TMEM117: variants seen among roughly 807,000 people sequenced by gnomAD.
The protein encoded by TMEM117 is transmembrane protein 117.
TMEM117 carries 27 observed loss-of-function variants against 52.4 expected under a neutral mutation model. That is an observed-to-expected ratio of 0.51 (90% CI 0.38 to 0.71). The LOEUF (loss-of-function observed/expected upper bound fraction) is 0.71. TMEM117 is among the 30% of genes least tolerant of loss of function. TMEM117 has a pLI of 0.00. For missense variants in TMEM117, 556 were observed against 630.5 expected (o/e 0.88, Z 1.26); for synonymous variants, 215 against 206.3 (o/e 1.04, Z -0.36).
At chr12:44,188,738 T>C (rs1949311880) in intron 4 of TMEM117, among the ~76,000 whole-genome samples, 1 of 152,174 alleles carries the variant, frequency 6.6e-6, no homozygotes, top group Non-Finnish European at 1.5e-5. Flanking sequence ...CTCCCATTTG[T>C]CTTAGCAGGC....
chr12:44,173,103 T>TG (rs1949071295), intron 4 of TMEM117, among the ~76,000 whole-genome samples: 6 of 152,238 alleles, frequency 3.9e-5, no homozygotes. Flanking sequence ...TGGGATGAGG[T>TG]CTTACTCTGT....
chr12:43,931,197 G>A (rs1055879436), intron 2 of TMEM117, among the ~76,000 whole-genome samples: 1 of 152,210 alleles, frequency 6.6e-6, no homozygotes, highest in Non-Finnish European at 1.5e-5. Context: ...CCATCAGGTA[G>A]AGTAGTCAGA....
chr12:44,206,962 T>A (rs1949576218), intron 4 of TMEM117, among the ~76,000 whole-genome samples: 1 of 151,954 alleles, frequency 6.6e-6, no homozygotes, highest in Non-Finnish European at 1.5e-5. Flanking sequence ...CTCCCTGAAC[T>A]GAAAAGTCAA....
At chr12:43,968,230 T>TCAGTGACA (rs11282810) in intron 3 of TMEM117, among the ~76,000 whole-genome samples, 100,874 of 151,430 alleles carry the variant, frequency 0.67, 37,449 homozygotes, top group Non-Finnish European at 0.81. Flanking sequence ...GAGAACACCT[T>TCAGTGACA]CAGTGACATT....
At chr12:43,820,428 C>T in the TMEM117 span, among the ~76,000 whole-genome samples, 2 of 152,114 alleles carry the variant, frequency 1.3e-5, no homozygotes, top group South Asian at 4.1e-4. Flanking sequence ...CGCCGGCCAC[C>T]ACGCCCGGCT....
intron 6 of TMEM117, among the ~76,000 whole-genome samples, chr12:44,304,341 A>G (rs1478537005): frequency 2.0e-5 from 3 of 152,212 alleles, no homozygotes; most frequent in Admixed American, 1.3e-4. Context: ...TAGCCTCCCA[A>G]CTGCAGGCTA....
intron 5 of TMEM117, among the ~76,000 whole-genome samples, chr12:44,241,215 G>GTT (rs199570956): frequency 1.4e-5 from 2 of 146,564 alleles, no homozygotes; most frequent in Admixed American, 1.4e-4. Flanking sequence ...TTTTTATTGT[G>GTT]TTTTTTTTTT....
At chr12:43,873,197 G>T (rs1245334757) in intron 2 of TMEM117, among the ~76,000 whole-genome samples, 2 of 152,162 alleles carry the variant, frequency 1.3e-5, no homozygotes, top group Non-Finnish European at 1.5e-5. Flanking sequence ...AATACTTAGT[G>T]AATTTGAGTT....
chr12:43,857,079 AC>A (rs1038824558), intron 2 of TMEM117, among the ~76,000 whole-genome samples: 2 of 152,120 alleles, frequency 1.3e-5, no homozygotes, highest in Non-Finnish European at 2.9e-5. Flanking sequence ...TTCCTCCCAC[AC>A]CTGCTTATTA....
intron 5 of TMEM117, among the ~76,000 whole-genome samples, chr12:44,213,907 G>A (rs1949679887): frequency 6.6e-6 from 1 of 152,084 alleles, no homozygotes; most frequent in Non-Finnish European, 1.5e-5. Context: ...AGTAATACAT[G>A]TATCTTCAAA....
At chr12:44,105,217 T>G (rs1248487109) in intron 3 of TMEM117, among the ~76,000 whole-genome samples, 3 of 151,924 alleles carry the variant, frequency 2.0e-5, no homozygotes, top group Non-Finnish European at 4.4e-5. Context: ...TGACATAGCC[T>G]CAAGCACAGA....
At chr12:44,012,429 A>G (rs1946308105) in intron 3 of TMEM117, among the ~76,000 whole-genome samples, 1 of 148,282 alleles carries the variant, frequency 6.7e-6, no homozygotes, top group Admixed American at 6.7e-5. Flanking sequence ...TTTTTCTGAT[A>G]TTCCCATTAC....
chr12:44,128,870 C>G (rs1487110260), intron 3 of TMEM117, among the ~76,000 whole-genome samples: 1 of 152,148 alleles, frequency 6.6e-6, no homozygotes, highest in East Asian at 1.9e-4. Flanking sequence ...TGAAGTCTTA[C>G]CTGCATTCAT....
intron 2 of TMEM117, among the ~76,000 whole-genome samples, chr12:43,901,282 C>G (rs899874313): frequency 5.9e-5 from 9 of 151,874 alleles, no homozygotes; most frequent in African/African-American, 2.2e-4. Context: ...ATAGATCATT[C>G]ATTTGCCCCG....
chr12:44,142,243 T>C (rs1251230935), intron 3 of TMEM117, among the ~76,000 whole-genome samples: 7 of 152,166 alleles, frequency 4.6e-5, no homozygotes, highest in Admixed American at 3.9e-4. Flanking sequence ...AGCATGCAAT[T>C]TATGGTAGCT....
intron 7 of TMEM117, among the ~76,000 whole-genome samples, chr12:44,379,855 T>C (rs1029434393): frequency 6.6e-6 from 1 of 152,186 alleles, no homozygotes; most frequent in African/African-American, 2.4e-5. Context: ...AAATACAGTG[T>C]CACCACTGGG....
chr12:44,152,130 AT>A (rs1482149687), intron 4 of TMEM117, among the ~76,000 whole-genome samples: 1 of 112,292 alleles, frequency 8.9e-6, no homozygotes, highest in African/African-American at 3.7e-5. Context: ...TATATTATAT[AT>A]TTATATTATT....
At chr12:43,956,939 G>A (rs1159920298) in intron 3 of TMEM117, among the ~76,000 whole-genome samples, 1 of 152,184 alleles carries the variant, frequency 6.6e-6, no homozygotes, top group African/African-American at 2.4e-5. Flanking sequence ...TAAAGAAAAT[G>A]TGGTACATAC....
At chr12:44,213,827 G>A (rs1229334824) in intron 5 of TMEM117, among the ~76,000 whole-genome samples, 1 of 152,116 alleles carries the variant, frequency 6.6e-6, no homozygotes, top group African/African-American at 2.4e-5. Context: ...CGGAATGGTG[G>A]GTCATTTAAA....
Sources: allele counts gnomAD v4.1 joint callset (sites outside exome capture counted in the v4.1 genomes callset), GRCh38; gene constraint gnomAD v4.1.1; transcripts MANE v1.5; gene names NCBI Gene and HGNC (gene_info 2026-07-23, HGNC 2026-07-21).